CNTN4: variants seen among roughly 807,000 people sequenced by gnomAD.
CNTN4 encodes contactin-4.
CNTN4 carries 77 observed loss-of-function variants against 122.5 expected under a neutral mutation model. The observed-to-expected ratio is 0.63, with a 90% CI of 0.52 to 0.76. The LOEUF (loss-of-function observed/expected upper bound fraction) is 0.76. Among genes scored for constraint, CNTN4 ranks in the 30% least tolerant of loss-of-function variants. The pLI is 0.00. For missense variants in CNTN4, 1,256 were observed against 1,259.1 expected (o/e 1.00, Z 0.04); for synonymous variants, 512 against 447.0 (o/e 1.15, Z -1.83).
chr3:2,974,984 T>C (rs1293377715), intron 13 of CNTN4, among the ~76,000 whole-genome samples: 1 of 152,204 alleles, frequency 6.6e-6, no homozygotes, highest in Admixed American at 6.5e-5. Flanking sequence ...ATATATTCTG[T>C]ATAGTGGGCC....
rs2082077963 is a variant in CNTN4, at chr3:2,623,770, A to G, written c.55+52212A>G. 1.3e-5 allele frequency among the ~76,000 whole-genome samples: 2 copies of G among 152,300 alleles called. 1 individual carries two copies. The highest frequency in any genetic ancestry group is 4.1e-4 in the South Asian group (2 of 4,822). ...TGTGTATCAGCCTGAATGAAACAGT[A>G]AGGAGAACAGAGCAGAGTGTCCCCT... On this transcript the variant is annotated intron_variant, in intron 4 of 24. Transcript: ENST00000418658.
chr3:2,162,236 T>C (rs2035995081), intron 2 of CNTN4, among the ~76,000 whole-genome samples: 1 of 152,220 alleles, frequency 6.6e-6, no homozygotes, highest in Admixed American at 6.5e-5. Context: ...CAACATGAGG[T>C]TTCCATCTGA....
intron 12 of CNTN4, among the ~76,000 whole-genome samples, chr3:2,910,922 C>T (rs1431260315): frequency 6.6e-6 from 1 of 152,142 alleles, no homozygotes; most frequent in Non-Finnish European, 1.5e-5. Context: ...TTCTGCACTC[C>T]AGTCAAGTGT....
chr3:3,001,226 ACTTTTACC>A (rs1353147994), intron 14 of CNTN4, among the ~76,000 whole-genome samples: 2 of 152,146 alleles, frequency 1.3e-5, no homozygotes, highest in Admixed American at 6.5e-5. Flanking sequence ...AATTAAGCAG[ACTTTTACC>A]GCTACACAAC....
At chr3:2,178,340 G>A (rs962522667) in intron 2 of CNTN4, among the ~76,000 whole-genome samples, 1 of 151,890 alleles carries the variant, frequency 6.6e-6, no homozygotes, top group African/African-American at 2.4e-5. Context: ...AAACGTTCTG[G>A]CATACAGTCA....
At chr3:2,902,673 A>G (rs2094187666) in intron 11 of CNTN4, among the ~76,000 whole-genome samples, 1 of 152,240 alleles carries the variant, frequency 6.6e-6, no homozygotes, top group African/African-American at 2.4e-5. Flanking sequence ...AATTCCATTT[A>G]CCAACTGATG....
At chr3:2,367,975 G>A (rs1250175792) in intron 3 of CNTN4, among the ~76,000 whole-genome samples, 2 of 151,014 alleles carry the variant, frequency 1.3e-5, no homozygotes, top group Non-Finnish European at 2.9e-5. Context: ...CCTTCTCAGT[G>A]GTTCACTATA....
intron 2 of CNTN4, among the ~76,000 whole-genome samples, chr3:2,196,807 G>A (rs1001191114): frequency 3.3e-5 from 5 of 152,028 alleles, no homozygotes; most frequent in African/African-American, 9.7e-5. Flanking sequence ...CACTTTGGAA[G>A]GCCGAGGTGG....
chr3:2,218,301 T>C (rs1296164767), intron 2 of CNTN4, among the ~76,000 whole-genome samples: 1 of 152,202 alleles, frequency 6.6e-6, no homozygotes, highest in Non-Finnish European at 1.5e-5. Context: ...AATAATAGGA[T>C]ATATTTTTAT....
chr3:2,172,344 C>G (rs1290138848), intron 2 of CNTN4, among the ~76,000 whole-genome samples: 2 of 151,910 alleles, frequency 1.3e-5, no homozygotes, highest in Non-Finnish European at 2.9e-5. Flanking sequence ...AAGTGGGAGC[C>G]AAGCTATGAG....
chr3:2,618,633 G>A (rs553603693), intron 4 of CNTN4, among the ~76,000 whole-genome samples: 23 of 152,204 alleles, frequency 1.5e-4, no homozygotes, highest in Admixed American at 5.2e-4. Flanking sequence ...GTAGCACAGC[G>A]GGGATAATTA....
At chr3:2,388,864 A>G (rs1022487368) in intron 3 of CNTN4, among the ~76,000 whole-genome samples, 2 of 150,562 alleles carry the variant, frequency 1.3e-5, no homozygotes, top group African/African-American at 4.9e-5. Context: ...ACAAACAAAC[A>G]AACGAAAACC....
intron 2 of CNTN4, among the ~76,000 whole-genome samples, chr3:2,162,011 T>C (rs1032080426): frequency 2.0e-5 from 3 of 152,234 alleles, no homozygotes; most frequent in Admixed American, 2.0e-4. Context: ...ACAGAAGGTA[T>C]TGATCTTATG....
chr3:2,839,589 T>A (rs958651205), intron 7 of CNTN4, among the ~76,000 whole-genome samples: 5 of 152,182 alleles, frequency 3.3e-5, no homozygotes, highest in Admixed American at 2.6e-4. Context: ...AACAGGGCTT[T>A]TAAATTTTCA....
chr3:2,194,200 A>G (rs895401645), intron 2 of CNTN4, among the ~76,000 whole-genome samples: 9 of 152,286 alleles, frequency 5.9e-5, no homozygotes, highest in African/African-American at 2.2e-4. Flanking sequence ...ATGGTGGTTC[A>G]TGCCTGTAAT....
At chr3:2,272,890 G>A (rs899667397) in intron 2 of CNTN4, among the ~76,000 whole-genome samples, 1 of 151,582 alleles carries the variant, frequency 6.6e-6, no homozygotes, top group African/African-American at 2.4e-5. Context: ...TTGTAATATC[G>A]CATGGTCAAA....
intron 3 of CNTN4, among the ~76,000 whole-genome samples, chr3:2,426,173 T>C (rs1416994527): frequency 1.3e-5 from 2 of 152,208 alleles, no homozygotes; most frequent in African/African-American, 4.8e-5. Flanking sequence ...GTTCCAGTTT[T>C]TGCCCATTCA....
At chr3:2,620,819 C>A (rs1176784384) in intron 4 of CNTN4, among the ~76,000 whole-genome samples, 1 of 152,158 alleles carries the variant, frequency 6.6e-6, no homozygotes, top group African/African-American at 2.4e-5. Context: ...TGACACAAAG[C>A]ACTCTAATTC....
chr3:2,874,879 G>A (rs770875614), intron 8 of CNTN4, among the ~76,000 whole-genome samples: 1 of 152,146 alleles, frequency 6.6e-6, no homozygotes, highest in Non-Finnish European at 1.5e-5. Flanking sequence ...CCTGTGGCCT[G>A]TTTCTGTAAA....
Sources: allele counts gnomAD v4.1 joint callset (sites outside exome capture counted in the v4.1 genomes callset), GRCh38; gene constraint gnomAD v4.1.1; transcripts MANE v1.5; gene names NCBI Gene and HGNC (gene_info 2026-07-23, HGNC 2026-07-21).